The following PIWIL1 variants were observed in gnomAD, a reference collection of about 807,000 sequenced individuals.
PIWIL1 encodes piwi like RNA-mediated gene silencing 1, also known as piwi-like protein 1.
Under a neutral mutation model 114.4 loss-of-function variants are expected in PIWIL1, and 73 were observed. The observed-to-expected ratio is 0.64, with a 90% CI of 0.53 to 0.78. The LOEUF is 0.78. Among genes scored for constraint, PIWIL1 ranks in the 30% least tolerant of loss-of-function variants. PIWIL1 has a pLI of 0.00. For missense variants in PIWIL1, 723 were observed against 1,063.1 expected, an observed-to-expected ratio of 0.68 and a Z score of 4.45; for synonymous variants, 375 against 369.0, an observed-to-expected ratio of 1.02 and a Z score of -0.19.
At chr12:130,343,577 C>T (rs112585403) in intron 3 of PIWIL1, among the ~76,000 whole-genome samples, 3 of 149,636 alleles carry the variant, frequency 2.0e-5, no homozygotes, top group African/African-American at 7.4e-5. Flanking sequence ...TTGTTTGGAC[C>T]TTGATTTTCA....
chr12:130,419,960 A>C, the PIWIL1 span: 1 of 152,168 alleles, frequency 6.6e-6, no homozygotes, highest in East Asian at 1.9e-4. The surrounding 1 kb of genome is among the most constrained non-coding windows in gnomAD (Gnocchi z 4.3). Flanking sequence ...AATTTATATT[A>C]TTTTTCATTG....
chr12:130,408,335 C>T, the PIWIL1 span, among the ~76,000 whole-genome samples: 2 of 152,214 alleles, frequency 1.3e-5, no homozygotes, highest in Admixed American at 1.3e-4. Context: ...AGGAGAAGCA[C>T]GAACATAAAC....
At position 130,357,108 on chromosome 12, in the gene PIWIL1, A is replaced by G; in HGVS notation, c.1592+3A>G. ...ATGCAAATGAGAAAAGCAATAATGTAAGTTAATCAAGTCATTTCTGCTCTG... is the reference window on the plus strand; with the variant it reads ...ATGCAAATGAGAAAAGCAATAATGTGAGTTAATCAAGTCATTTCTGCTCTG... On this transcript the variant is annotated splice_donor_region_variant and intron_variant, in intron 13 of 20. Coordinates refer to ENST00000245255, the MANE Select transcript of PIWIL1 (RefSeq NM_004764.5). 1 of 1,602,914 alleles carries G rather than the reference A, an allele frequency of 6.2e-7. No homozygotes were observed. Among genetic ancestry groups the G allele is most frequent in the Non-Finnish European group, 8.5e-7 (1 of 1,171,904 alleles).
the PIWIL1 span, among the ~76,000 whole-genome samples, chr12:130,422,084 C>T: frequency 2.6e-5 from 4 of 152,104 alleles, no homozygotes; most frequent in Non-Finnish European, 2.9e-5. The surrounding 1 kb of genome is among the most constrained non-coding windows in gnomAD (Gnocchi z 5.2). Context: ...GCTCACAGAC[C>T]CCTGAGGCAC....
At chr12:130,415,502 A>G in the PIWIL1 span, among the ~76,000 whole-genome samples, 2 of 152,244 alleles carry the variant, frequency 1.3e-5, no homozygotes, top group Non-Finnish European at 2.9e-5. Flanking sequence ...CAAGGCAAGG[A>G]TGCCTGCTCT....
At chr12:130,409,139 G>C in the PIWIL1 span, among the ~76,000 whole-genome samples, 1 of 151,954 alleles carries the variant, frequency 6.6e-6, no homozygotes, top group African/African-American at 2.4e-5. Context: ...ATACACGAAG[G>C]CTCACTCTTC....
At chr12:130,423,244 G>A in the PIWIL1 span, among the ~76,000 whole-genome samples, 5 of 152,182 alleles carry the variant, frequency 3.3e-5, no homozygotes, top group Non-Finnish European at 5.9e-5. Context: ...AGGAACACAG[G>A]CATGAATGGT....
At chr12:130,393,068 A>G in the PIWIL1 span, among the ~76,000 whole-genome samples, 11 of 113,554 alleles carry the variant, frequency 9.7e-5, no homozygotes, top group African/African-American at 2.7e-4. Flanking sequence ...TGCATATTGA[A>G]TGTTGTGATG....
chr12:130,369,025 C>G (rs2073746518), intron 19 of PIWIL1, among the ~76,000 whole-genome samples: 1 of 152,056 alleles, frequency 6.6e-6, no homozygotes, highest in Non-Finnish European at 1.5e-5. Flanking sequence ...CATGCATTAG[C>G]TATTTATCCT....
the PIWIL1 span, among the ~76,000 whole-genome samples, chr12:130,423,043 T>C: frequency 1.3e-5 from 2 of 152,168 alleles, no homozygotes; most frequent in East Asian, 3.8e-4. Flanking sequence ...GTTTCTACAT[T>C]TTATCAGCTT....
chr12:130,358,016 C>T (rs2073411835), intron 14 of PIWIL1, among the ~76,000 whole-genome samples: 1 of 152,212 alleles, frequency 6.6e-6, no homozygotes, highest in Non-Finnish European at 1.5e-5. Context: ...CCGCATGCAT[C>T]CACATCACCC....
At chr12:130,422,603 T>C in the PIWIL1 span, 6 of 1,403,928 alleles carry the variant, frequency 4.3e-6, no homozygotes, top group East Asian at 9.6e-5. The surrounding 1 kb of genome is among the most constrained non-coding windows in gnomAD (Gnocchi z 5.2). Context: ...CTCGCCAGCA[T>C]TGGGAACTGA....
chr12:130,361,449 A>G, intron 15 of PIWIL1, 49 bp from the exon 16 acceptor site: 1 of 1,610,258 alleles, frequency 6.2e-7, no homozygotes, highest in Admixed American at 1.7e-5. Flanking sequence ...TACTTTTTAA[A>G]TGTTGCTGGT....
intron 6 of PIWIL1, among the ~76,000 whole-genome samples, chr12:130,347,622 A>G (rs927236591): frequency 2.6e-5 from 4 of 152,202 alleles, no homozygotes; most frequent in African/African-American, 9.6e-5. Context: ...ACTGTCACTG[A>G]TGATAGGACA....
the PIWIL1 span, chr12:130,424,521 G>A: frequency 3.7e-3 from 4,544 of 1,231,988 alleles, 16 homozygotes; most frequent in African/African-American, 0.013. The surrounding 1 kb of genome is among the most constrained non-coding windows in gnomAD (Gnocchi z 9.8). Flanking sequence ...GCCGCTGTCC[G>A]GGCTCCGGGT....
the PIWIL1 span, chr12:130,414,524 C>T: frequency 7.1e-6 from 3 of 425,448 alleles, no homozygotes; most frequent in South Asian, 7.5e-5. Context: ...GGCCACACTG[C>T]ATGTGAAAGC....
chr12:130,389,893 G>A, the PIWIL1 span, among the ~76,000 whole-genome samples: 1 of 152,110 alleles, frequency 6.6e-6, no homozygotes, highest in African/African-American at 2.4e-5. Context: ...TGCTTTCATT[G>A]TAATCCAGCT....
chr12:130,342,457 A>C, intron 1 of PIWIL1, 123 bp from the exon 2 acceptor site: 1 of 648,170 alleles, frequency 1.5e-6, no homozygotes, highest in Non-Finnish European at 2.8e-6. Flanking sequence ...GATTAGAAGG[A>C]TACATAATAA....
chr12:130,406,538 G>C, the PIWIL1 span, among the ~76,000 whole-genome samples: 1 of 152,180 alleles, frequency 6.6e-6, no homozygotes, highest in Admixed American at 6.5e-5. Context: ...CTAGTGAAAT[G>C]GTTAATTGTA....
Sources: gnomAD v4.1 joint callset for allele counts (sites outside exome capture counted in the v4.1 genomes callset) on GRCh38, gnomAD v4.1.1 for gene constraint, Gnocchi (gnomAD v3.1) non-coding constraint, MANE v1.5 for transcripts, NCBI Gene and HGNC (gene_info 2026-07-23, HGNC 2026-07-21) for gene names.